The following FBP2 variants were observed in gnomAD, a reference collection of about 807,000 sequenced individuals.
The protein encoded by FBP2 is fructose-bisphosphatase 2.
A neutral mutation model predicts 31.6 loss-of-function variants in FBP2; 27 were observed. The observed-to-expected ratio is 0.85, with a 90% CI of 0.63 to 1.18. FBP2 has a LOEUF of 1.18. Among genes scored for constraint, FBP2 ranks in the 50% most tolerant of loss-of-function variants. The pLI, the probability that FBP2 is intolerant of heterozygous loss-of-function variation, is 0.00. For synonymous variants in FBP2, 168 were observed against 179.8 expected (o/e 0.93, Z 0.53); for missense variants, 421 against 436.1 (o/e 0.97, Z 0.31).
At chr9:94,591,412 C>T (rs1485584085) in intron 1 of FBP2, among the ~76,000 whole-genome samples, 1 of 152,244 alleles carries the variant, frequency 6.6e-6, no homozygotes, top group African/African-American at 2.4e-5. Context: ...TTGCCGGGGG[C>T]CAGCAGGGCT....
intron 1 of FBP2, among the ~76,000 whole-genome samples, chr9:94,592,166 T>C (rs1277760472): frequency 6.6e-6 from 1 of 152,162 alleles, no homozygotes; most frequent in Non-Finnish European, 1.5e-5. Context: ...TGCCCTCACA[T>C]TCTGGAAGGC....
intron 1 of FBP2, among the ~76,000 whole-genome samples, chr9:94,591,707 T>A (rs771078743): frequency 6.6e-6 from 1 of 152,162 alleles, no homozygotes; most frequent in Admixed American, 6.5e-5. Context: ...ACTGTGCGTG[T>A]CTTACGGGGC....
chr9:94,584,326 C>G (rs1406145000), intron 3 of FBP2, among the ~76,000 whole-genome samples: 1 of 152,146 alleles, frequency 6.6e-6, no homozygotes, highest in East Asian at 1.9e-4. Flanking sequence ...CCCAGACTTT[C>G]AAAACAAGAT....
intron 3 of FBP2, among the ~76,000 whole-genome samples, chr9:94,579,274 T>C (rs1827351204): frequency 6.7e-6 from 1 of 149,364 alleles, no homozygotes; most frequent in Non-Finnish European, 1.5e-5. Context: ...GCCGGGCGCC[T>C]GTAGTCCCAG....
rs73531467 is a variant in FBP2, at chr9:94,588,299, C to A, written c.171-830G>T. ...TTTCATTTTTTTCTTCACTGCCATC[C>A]CAAGCAGTATAAGAGAGTGCTACTA... On this transcript the variant is annotated intron_variant, in intron 1 of 6. Coordinates refer to ENST00000375337, the MANE Select transcript of FBP2 (RefSeq NM_003837.4). 8.4e-3 allele frequency among the ~76,000 whole-genome samples: 1,272 copies of A among 152,134 alleles called. 24 individuals are homozygous for A. Among genetic ancestry groups the A allele is most frequent in the African/African-American group, 0.029 (1,198 of 41,518 alleles).
intron 5 of FBP2, among the ~76,000 whole-genome samples, chr9:94,564,890 T>C (rs111761857): frequency 6.6e-6 from 1 of 152,148 alleles, no homozygotes; most frequent in Admixed American, 6.5e-5. Context: ...GATGAATATA[T>C]TTAACAATAA....
chr9:94,582,017 C>T (rs1013393498), intron 3 of FBP2, among the ~76,000 whole-genome samples: 4 of 152,174 alleles, frequency 2.6e-5, no homozygotes, highest in Non-Finnish European at 4.4e-5. Context: ...GCCAAACAAG[C>T]GCTGGCCTTA....
At chr9:94,563,570 ATCC>A (rs1827141831) in intron 5 of FBP2, 109 bp from the exon 6 acceptor site, 1 of 1,195,190 alleles carries the variant, frequency 8.4e-7, no homozygotes, top group Admixed American at 2.1e-5. Context: ...TTGAATCCCT[ATCC>A]TCCACCCACT....
At chr9:94,578,609 A>C (rs1480887410) in intron 3 of FBP2, among the ~76,000 whole-genome samples, 1 of 152,112 alleles carries the variant, frequency 6.6e-6, no homozygotes, top group Non-Finnish European at 1.5e-5. Context: ...ACATGGTTCT[A>C]AAATTGTGAA....
At position 94,567,465 on chromosome 9, in the gene FBP2, G is replaced by T. The variant is rs750644253; in HGVS notation, c.568-58C>A. 4 of 1,596,210 alleles carry T rather than the reference G, an allele frequency of 2.5e-6. No homozygotes were observed. In the African/African-American group the frequency reaches 4.0e-5, roughly 16 times the overall value. On this transcript the variant is annotated intron_variant, in intron 4 of 6. Coordinates refer to ENST00000375337, the MANE Select transcript of FBP2 (RefSeq NM_003837.4). ...AGAGAAGCCAGGAAACAAGCCAACC[G>T]CACAATCCCCACATCAGAGCAGGAG...
chr9:94,571,520 C>A lies in FBP2; in HGVS notation c.509G>T (p.Ser170Ile). ...TGTGGAGAGAGCCACCAGGGTTGCA[C>A]TACCGTACAGCGCATAACCTGCGGC... ...IVAAGYALYGSATLVALSTGQ... is the reference protein window; with the variant it reads ...IVAAGYALYGIATLVALSTGQ... Residue 170 changes from serine (S) to isoleucine (I), a missense_variant, in exon 4 of 7, where the codon AGT (serine) becomes ATT (isoleucine). By Grantham distance (142) the Ser-to-Ile change is moderately radical. Transcript: ENST00000375337. 2.5e-6 allele frequency: 4 copies of A among 1,614,056 alleles called. No individual in the cohort carries two copies. Among genetic ancestry groups the A allele is most frequent in the Non-Finnish European group, 3.4e-6 (4 of 1,179,958 alleles).
intron 3 of FBP2, among the ~76,000 whole-genome samples, chr9:94,578,381 A>G (rs1013101154): frequency 6.6e-6 from 1 of 152,222 alleles, no homozygotes; most frequent in South Asian, 2.1e-4. Flanking sequence ...CTAACTTTGT[A>G]TAATATCTGT....
intron 6 of FBP2, among the ~76,000 whole-genome samples, chr9:94,561,882 G>A (rs969722975): frequency 6.6e-6 from 1 of 152,190 alleles, no homozygotes; most frequent in African/African-American, 2.4e-5. Context: ...GGAGTGACAT[G>A]TGCTTAAGGG....
At chr9:94,575,630 G>T (rs1230779624) in intron 3 of FBP2, among the ~76,000 whole-genome samples, 3 of 152,186 alleles carry the variant, frequency 2.0e-5, no homozygotes, top group Non-Finnish European at 4.4e-5. Context: ...GGTCCCAGGA[G>T]TGAAATTGCT....
intron 4 of FBP2, chr9:94,570,386 T>C (rs907767205): frequency 6.6e-6 from 1 of 152,186 alleles, no homozygotes; most frequent in Admixed American, 6.5e-5. Flanking sequence ...TTACTCACTC[T>C]CTCTACGCCT....
rs904845425 is a variant in FBP2 at position 94,558,813 on chromosome 9, T to C, written c.*125A>G. The C allele has an allele frequency of 3.4e-6, 3 of 876,762 alleles. No homozygotes were observed. The highest frequency in any genetic ancestry group is 5.5e-6 in the Non-Finnish European group (3 of 549,260). 54.3% of individuals were successfully genotyped at this position (876,762 alleles called of 1,614,324 possible). ...TGTCGTAAGCAGTTTGTTGTTGCTC[T>C]TCTGTATGTGATTAAGTGGATTTAC... On this transcript the variant is annotated 3_prime_UTR_variant, in exon 7 of 7. Transcript: ENST00000375337.
At chr9:94,588,590 C>T (rs1827455745) in intron 1 of FBP2, among the ~76,000 whole-genome samples, 1 of 152,202 alleles carries the variant, frequency 6.6e-6, no homozygotes, top group Non-Finnish European at 1.5e-5. Flanking sequence ...CGCCACTGCA[C>T]TGCAGCCTGA....
At chr9:94,560,557 T>G (rs1827082081) in intron 6 of FBP2, among the ~76,000 whole-genome samples, 1 of 152,080 alleles carries the variant, frequency 6.6e-6, no homozygotes, top group Non-Finnish European at 1.5e-5. Flanking sequence ...CATTCTCCAT[T>G]ATCACCTTAC....
At chr9:94,575,212 T>C (rs1481484941) in intron 3 of FBP2, among the ~76,000 whole-genome samples, 1 of 152,164 alleles carries the variant, frequency 6.6e-6, no homozygotes, top group Non-Finnish European at 1.5e-5. Flanking sequence ...AACATCCAGA[T>C]CCATTTATAT....
Sources: allele counts gnomAD v4.1 joint callset (sites outside exome capture counted in the v4.1 genomes callset), GRCh38; gene constraint gnomAD v4.1.1; transcripts MANE v1.5; gene names NCBI Gene and HGNC (gene_info 2026-07-23, HGNC 2026-07-21).